The following CTNND2 variants were observed in gnomAD, a reference collection of about 807,000 sequenced individuals.
The protein encoded by CTNND2 is catenin delta 2.
Under a neutral mutation model 144.4 loss-of-function variants are expected in CTNND2, and 22 were observed. The observed-to-expected ratio is 0.15, with a 90% CI of 0.11 to 0.22. CTNND2 has a LOEUF of 0.22. CTNND2 is among the 10% of genes least tolerant of loss of function. CTNND2 has a pLI of 1.00. For missense variants in CTNND2, 1,353 were observed against 1,618.8 expected (o/e 0.84, Z 2.82); for synonymous variants, 751 against 695.6 (o/e 1.08, Z -1.25).
rs1005411426 is a variant in CTNND2, at chr5:11,175,775, G to A, written c.1976-16016C>T. On this transcript the variant is annotated intron_variant, in intron 11 of 21. Transcript: ENST00000304623. ...TTCCTAAAACTTGGATCGCTGGGTA[G>A]AGTCTACACATTTTAAATACTGAGG... is the stretch of plus-strand genomic sequence containing the variant. 3.3e-4 allele frequency among the ~76,000 whole-genome samples: 50 copies of A among 151,922 alleles called. 1 individual carries two copies. The highest frequency in any genetic ancestry group is 2.1e-4 in the South Asian group (1 of 4,794).
chr5:11,448,840 G>GGT (rs1765069067), intron 3 of CTNND2, among the ~76,000 whole-genome samples: 1 of 145,538 alleles, frequency 6.9e-6, no homozygotes, highest in African/African-American at 2.8e-5. Flanking sequence ...GGCTTTTTGT[G>GGT]TTTTTTTTTG....
chr5:11,850,096 T>A (rs1794945383), intron 1 of CTNND2, among the ~76,000 whole-genome samples: 1 of 151,972 alleles, frequency 6.6e-6, no homozygotes. Flanking sequence ...AGAATAATAA[T>A]AAATAAAATT....
intron 9 of CTNND2, among the ~76,000 whole-genome samples, chr5:11,252,037 C>T (rs754329442): frequency 1.3e-5 from 2 of 152,122 alleles, no homozygotes; most frequent in Non-Finnish European, 2.9e-5. Flanking sequence ...AGAATGAGAT[C>T]TTGCAATGTT....
intron 2 of CTNND2, among the ~76,000 whole-genome samples, chr5:11,691,215 C>CA (rs1266737056): frequency 1.3e-5 from 2 of 151,722 alleles, no homozygotes; most frequent in Non-Finnish European, 1.5e-5. Flanking sequence ...ACTAAAAATA[C>CA]AAAAAATTAA....
At chr5:11,060,763 T>A (rs1746872687) in intron 16 of CTNND2, among the ~76,000 whole-genome samples, 1 of 152,168 alleles carries the variant, frequency 6.6e-6, no homozygotes, top group South Asian at 2.1e-4. Context: ...TTCAGTATCA[T>A]CCACACAAGG....
At chr5:11,128,851 AT>A (rs1755027776) in intron 12 of CTNND2, among the ~76,000 whole-genome samples, 1 of 70,788 alleles carries the variant, frequency 1.4e-5, no homozygotes, top group African/African-American at 4.9e-5. Flanking sequence ...TATATAATAT[AT>A]ATAATATATA....
intron 18 of CTNND2, among the ~76,000 whole-genome samples, chr5:11,012,436 T>C (rs565600760): frequency 1.3e-5 from 2 of 152,320 alleles, no homozygotes; most frequent in African/African-American, 4.8e-5. Context: ...GGTCTAAGAA[T>C]AGCCAGAGAC....
chr5:11,074,711 C>T (rs779646686), intron 16 of CTNND2, among the ~76,000 whole-genome samples: 15 of 152,206 alleles, frequency 9.9e-5, no homozygotes, highest in Non-Finnish European at 1.8e-4. Flanking sequence ...ACATTTCTCA[C>T]TAAGTAAAGA....
chr5:11,758,665 A>G (rs909092821), intron 1 of CTNND2, among the ~76,000 whole-genome samples: 1 of 152,102 alleles, frequency 6.6e-6, no homozygotes, highest in African/African-American at 2.4e-5. Context: ...ACCATATCAT[A>G]TAGTAAATCT....
chr5:11,520,272 T>C (rs1466388023), intron 3 of CTNND2, among the ~76,000 whole-genome samples: 5 of 152,142 alleles, frequency 3.3e-5, no homozygotes, highest in Non-Finnish European at 5.9e-5. Flanking sequence ...TATTCCACAT[T>C]CTAGGCCAAC....
chr5:11,265,490 T>G (rs1745342540), intron 9 of CTNND2, among the ~76,000 whole-genome samples: 1 of 152,146 alleles, frequency 6.6e-6, no homozygotes, highest in South Asian at 2.1e-4. Context: ...CTCTCCACAC[T>G]GCAGACGGGC....
At chr5:11,746,821 C>T (rs1445029260) in intron 1 of CTNND2, among the ~76,000 whole-genome samples, 1 of 152,034 alleles carries the variant, frequency 6.6e-6, no homozygotes, top group Non-Finnish European at 1.5e-5. Context: ...TTATTGTCAG[C>T]CCCATTTTAA....
At chr5:11,244,137 A>AT (rs1056584423) in intron 9 of CTNND2, among the ~76,000 whole-genome samples, 2 of 152,116 alleles carry the variant, frequency 1.3e-5, no homozygotes, top group South Asian at 2.1e-4. Context: ...AGTTAGATAG[A>AT]TTTTTTTAAA....
At chr5:11,278,689 A>T (rs934727890) in intron 9 of CTNND2, among the ~76,000 whole-genome samples, 3 of 152,206 alleles carry the variant, frequency 2.0e-5, no homozygotes, top group Non-Finnish European at 4.4e-5. Context: ...GCATCATTGC[A>T]ATACAGATGA....
Position 11,411,520 on chromosome 5 carries a change from C to A in CTNND2, c.439+16G>T. 1 of 1,294,868 alleles carries A rather than the reference C, an allele frequency of 7.7e-7. No homozygotes were observed. Among genetic ancestry groups the A allele is most frequent in the African/African-American group, 1.5e-5 (1 of 68,358 alleles). The allele number at this position is 1,294,868 out of a possible 1,614,324, so 80.2% of individuals were successfully genotyped here. ...ATATTTCAACTATCTTCAAGCATAA[C>A]TGCCACGTGACTTACTTTCACCTGT... On this transcript the variant is annotated intron_variant, in intron 5 of 21. Coordinates refer to ENST00000304623, the MANE Select transcript of CTNND2 (RefSeq NM_001332.4).
intron 8 of CTNND2, among the ~76,000 whole-genome samples, chr5:11,354,710 TA>T (rs1426606032): frequency 6.6e-6 from 1 of 152,038 alleles, no homozygotes; most frequent in African/African-American, 2.4e-5. Flanking sequence ...CAGAAATCAA[TA>T]AGGAAACATC....
chr5:11,532,246 C>T (rs1004615788), intron 3 of CTNND2, among the ~76,000 whole-genome samples: 5 of 152,052 alleles, frequency 3.3e-5, no homozygotes, highest in African/African-American at 1.2e-4. Flanking sequence ...CTTGCAGGCT[C>T]TTTCCCTTCC....
At chr5:11,693,788 G>A (rs916074968) in intron 2 of CTNND2, among the ~76,000 whole-genome samples, 1 of 152,162 alleles carries the variant, frequency 6.6e-6, no homozygotes, top group African/African-American at 2.4e-5. Flanking sequence ...TGATAGTTTT[G>A]TTCTATAAAG....
intron 3 of CTNND2, among the ~76,000 whole-genome samples, chr5:11,470,980 A>ATATATATATATATTTTT (rs1219093645): frequency 2.2e-5 from 2 of 91,582 alleles, no homozygotes; most frequent in African/African-American, 5.7e-5. Context: ...ATATATATAT[A>ATATATATATATATTTTT]TTTTTTTTTT....
Sources: gnomAD v4.1 joint callset for allele counts (sites outside exome capture counted in the v4.1 genomes callset) on GRCh38, gnomAD v4.1.1 for gene constraint, MANE v1.5 for transcripts, NCBI Gene and HGNC (gene_info 2026-07-23, HGNC 2026-07-21) for gene names.